Variants in ABCC4 observed in about 807,000 individuals in gnomAD.
The protein encoded by ABCC4 is ATP binding cassette subfamily C member 4 (PEL blood group).
ABCC4 carries 102 observed loss-of-function variants against 168.5 expected under a neutral mutation model. That is an observed-to-expected ratio of 0.61 (90% CI 0.52 to 0.71). ABCC4 has a LOEUF of 0.71. ABCC4 is among the 30% of genes least tolerant of loss of function. ABCC4 has a pLI of 0.00. For synonymous variants in ABCC4, 617 were observed against 590.7 expected, an observed-to-expected ratio of 1.04 and a Z score of -0.65; for missense variants, 1,402 against 1,605.8, an observed-to-expected ratio of 0.87 and a Z score of 2.17.
chr13:95,052,030 G>T (rs2032863584), intron 27 of ABCC4, among the ~76,000 whole-genome samples: 1 of 149,538 alleles, frequency 6.7e-6, no homozygotes, highest in Non-Finnish European at 1.5e-5. Flanking sequence ...GCCCAGATGG[G>T]AGTGCAGTGG....
chr13:95,110,900 G>A (rs1175045971), intron 20 of ABCC4, among the ~76,000 whole-genome samples: 1 of 151,286 alleles, frequency 6.6e-6, no homozygotes, highest in African/African-American at 2.4e-5. Flanking sequence ...CCCGGGAGGT[G>A]GAGGCTGCAG....
At chr13:95,282,628 G>A (rs1302833079) in intron 1 of ABCC4, among the ~76,000 whole-genome samples, 3 of 151,672 alleles carry the variant, frequency 2.0e-5, no homozygotes, top group Admixed American at 6.6e-5. Flanking sequence ...TCTGCCTCCC[G>A]GGTTCAAACA....
At position 95,071,676 on chromosome 13, in the gene ABCC4, T is replaced by A. The variant is rs2033728199; in HGVS notation, c.3196A>T (p.Lys1066Ter). 1.4e-6 allele frequency: 2 copies of A among 1,457,284 alleles called. No homozygotes were observed. The highest frequency in any genetic ancestry group is 2.9e-5 in the African/African-American group (2 of 68,912). The allele number at this position is 1,457,284 out of a possible 1,614,324, so 90.3% of individuals were successfully genotyped here. Reference protein sequence around the residue: ...LVLKHLTALIKSQEKVGIVGR... With the variant: ...LVLKHLTALI ...TTTAAACAAACCTTTTCTTGTGATT[T>A]AATGAGTGCTGTCAGATGCTTCAGT... Residue 1066 changes from lysine to a stop codon, truncating the protein, a stop_gained, in exon 25 of 31, where the codon AAA (lysine) becomes TAA (stop). Transcript: ENST00000645237. LOFTEE classifies it high-confidence loss of function.
In ABCC4 at chr13:95,188,497, G is replaced by A; in HGVS notation, c.1309C>T (p.Pro437Ser). The change falls in exon 10 of 31, where the codon CCT becomes TCT. Residue 437 changes from proline (P) to serine (S), a missense_variant. By Grantham distance (74) the Pro-to-Ser change is moderately conservative (BLOSUM62 -1). Transcript: ENST00000645237. ...CCGACCACAGCTAACAATTCGCCAG[G>A]TCTGACAGTAAAGGAAAGGCCTTGT... The part of the protein sequence containing the change: ...TLQGLSFTVR[P>S]GELLAVVGPV... The A allele has an allele frequency of 6.2e-7, 1 of 1,614,140 alleles. No homozygotes were observed. Among genetic ancestry groups the A allele is most frequent in the South Asian group, 1.1e-5 (1 of 91,084 alleles).
chr13:95,046,489 G>A lies in ABCC4; in HGVS notation c.3457-2051C>T, dbSNP rs1446510532. Among the ~76,000 whole-genome samples, 4 of 152,202 alleles carry A rather than the reference G, an allele frequency of 2.6e-5. No homozygotes were observed. The East Asian group carries it at 7.7e-4, about 29-fold the overall frequency. On this transcript the variant is annotated intron_variant, in intron 27 of 30. Transcript: ENST00000645237. The stretch of plus-strand genomic sequence containing the variant: ...GAGAATGATATGAATGTATGGCCAA[G>A]TACAGTGGCTCATGCCTGTAATCCC...
At chr13:95,061,215 C>T (rs2033278784) in intron 26 of ABCC4, among the ~76,000 whole-genome samples, 1 of 152,130 alleles carries the variant, frequency 6.6e-6, no homozygotes, top group Non-Finnish European at 1.5e-5. Flanking sequence ...ACTCTGAGAT[C>T]CTGCTTTTAA....
At chr13:95,184,350 C>T (rs889246024) in intron 11 of ABCC4, among the ~76,000 whole-genome samples, 1 of 152,200 alleles carries the variant, frequency 6.6e-6, no homozygotes. Context: ...GCTTGAAAAA[C>T]ATTTTGTCCC....
chr13:95,041,832 G>C (rs2032374842), intron 29 of ABCC4, among the ~76,000 whole-genome samples: 1 of 152,232 alleles, frequency 6.6e-6, no homozygotes, highest in Non-Finnish European at 1.5e-5. Flanking sequence ...AGGGAACATA[G>C]AGGCCAGTTC....
At chr13:95,085,868 T>A (rs772082962) in intron 20 of ABCC4, among the ~76,000 whole-genome samples, 1 of 152,164 alleles carries the variant, frequency 6.6e-6, no homozygotes, top group Non-Finnish European at 1.5e-5. Context: ...ATAGGAGGGA[T>A]TATCATCTCC....
At chr13:95,295,289 G>A (rs781482204) in intron 1 of ABCC4, among the ~76,000 whole-genome samples, 1 of 152,154 alleles carries the variant, frequency 6.6e-6, no homozygotes, top group Non-Finnish European at 1.5e-5. Flanking sequence ...GCCAAGGCGG[G>A]AGAATCACTT....
At chr13:95,114,829 G>A (rs1258838507) in intron 20 of ABCC4, among the ~76,000 whole-genome samples, 2 of 152,146 alleles carry the variant, frequency 1.3e-5, no homozygotes, top group Non-Finnish European at 2.9e-5. Context: ...CTCCAGAGGA[G>A]ATCTAAAGCA....
chr13:95,064,209 T>C lies in ABCC4; in HGVS notation c.3211-1350A>G, dbSNP rs534371517. Among the ~76,000 whole-genome samples, 50 of 146,214 alleles carry C rather than the reference T, an allele frequency of 3.4e-4. 1 individual carries two copies. Among genetic ancestry groups the C allele is most frequent in the African/African-American group, 1.3e-3 (49 of 37,940 alleles). ...TTATGGTAAATCCTAGTTTATACTT[T>C]ATAGGTGGGCCATTTTCTGCACATA... On this transcript the variant is annotated intron_variant, in intron 25 of 30. Coordinates refer to ENST00000645237, the MANE Select transcript of ABCC4 (RefSeq NM_005845.5).
chr13:95,224,846 T>C (rs971235446), intron 4 of ABCC4, among the ~76,000 whole-genome samples: 1 of 152,070 alleles, frequency 6.6e-6, no homozygotes, highest in Admixed American at 6.6e-5. Context: ...GCACCAGAAA[T>C]AGTAATTCAG....
intron 20 of ABCC4, among the ~76,000 whole-genome samples, chr13:95,108,346 T>A: frequency 6.6e-6 from 1 of 152,122 alleles, no homozygotes; most frequent in Non-Finnish European, 1.5e-5. Context: ...ATAGATATGG[T>A]TTGGCTGTGT....
At chr13:95,208,616 T>A (rs1224976100) in intron 6 of ABCC4, among the ~76,000 whole-genome samples, 4 of 55,118 alleles carry the variant, frequency 7.3e-5, no homozygotes, top group Non-Finnish European at 1.8e-4. Context: ...TTCTTTTTTT[T>A]TTTTTTTTTT....
chr13:95,058,594 A>AAAAAAAAAAAAAAAAAAAAAAAAAAAAAG (rs2033163283), intron 26 of ABCC4, among the ~76,000 whole-genome samples: 1 of 41,422 alleles, frequency 2.4e-5, no homozygotes, highest in Non-Finnish European at 4.3e-5. Context: ...AAAAAAAAAG[A>AAAAAAAAAAAAAAAAAAAAAAAAAAAAAG]AAAGAAAAAG....
chr13:95,043,394 C>T (rs571257954), intron 29 of ABCC4: 55 of 338,396 alleles, frequency 1.6e-4, no homozygotes, highest in Admixed American at 7.6e-4. Flanking sequence ...GATACTACTC[C>T]GTAGTATGAC....
At chr13:95,125,396 G>T (rs2035723240) in intron 19 of ABCC4, among the ~76,000 whole-genome samples, 1 of 152,154 alleles carries the variant, frequency 6.6e-6, no homozygotes, top group Non-Finnish European at 1.5e-5. Context: ...AAATACTTTG[G>T]CTATCACTCC....
At chr13:95,096,468 C>A (rs564019551) in intron 20 of ABCC4, among the ~76,000 whole-genome samples, 4 of 151,902 alleles carry the variant, frequency 2.6e-5, no homozygotes, top group Non-Finnish European at 5.9e-5. Flanking sequence ...AAATACCAAC[C>A]CATATATTGA....
Sources: gnomAD v4.1 joint callset for allele counts (sites outside exome capture counted in the v4.1 genomes callset) on GRCh38, gnomAD v4.1.1 for gene constraint, MANE v1.5 for transcripts, NCBI Gene and HGNC (gene_info 2026-07-23, HGNC 2026-07-21) for gene names.